The following GABRR2 variants were observed in gnomAD, a reference collection of about 807,000 sequenced individuals.
GABRR2 encodes gamma-aminobutyric acid receptor subunit rho-2.
A neutral mutation model predicts 47.0 loss-of-function variants in GABRR2; 36 were observed. The observed-to-expected ratio is 0.77, with a 90% CI of 0.59 to 1.01. The LOEUF is 1.01. Ranked by LOEUF, GABRR2 falls within the 50% of genes least tolerant of loss-of-function variation. The pLI is 0.00. For synonymous variants in GABRR2, 204 were observed against 227.5 expected (o/e 0.90, Z 0.93); for missense variants, 587 against 594.6 (o/e 0.99, Z 0.13).
rs1269818522 is a variant in GABRR2 at position 89,265,529 on chromosome 6, T to C, written c.889+84A>G. The C allele has an allele frequency of 4.8e-6, 7 of 1,450,566 alleles. No homozygotes were observed. The East Asian group carries it at 1.6e-4, about 34-fold the overall frequency. 89.9% of individuals were successfully genotyped at this position (1,450,566 alleles called of 1,614,324 possible). On this transcript the variant is annotated intron_variant, in intron 7 of 8. Transcript: ENST00000402938. ...CTAACAGCTCATCAGTTAAGAAGTC[T>C]AAGTAATGATTTTTACTTTTTGTAA...
In GABRR2 at chr6:89,267,927, C is replaced by T. The variant is rs114083364; in HGVS notation, c.595+87G>A. On this transcript the variant is annotated intron_variant, in intron 5 of 8. Coordinates refer to ENST00000402938, the MANE Select transcript of GABRR2 (RefSeq NM_002043.5). ...AGAAGTAAATAGGTCTTAACGCTGG[C>T]GGGCAGTGCTCAGTCTCATGATTAC... is the stretch of plus-strand genomic sequence containing the variant. The T allele has an allele frequency of 2.4e-3, 3,684 of 1,564,354 alleles. 69 individuals carry two copies. In the African/African-American group the frequency reaches 0.041, roughly 17 times the overall value.
chr6:89,280,253 T>TATACAC lies in GABRR2; in HGVS notation c.221-8532_221-8531insGTGTAT, dbSNP rs1242640059. 5.2e-3 allele frequency among the ~76,000 whole-genome samples: 644 copies of TATACAC among 124,516 alleles called. 4 individuals are homozygous for TATACAC. The highest frequency in any genetic ancestry group is 7.9e-3 in the Non-Finnish European group (466 of 59,094). 81.7% of individuals were successfully genotyped at this position (124,516 alleles called of 152,430 possible). A position where few individuals can be genotyped will look rare whatever the true frequency, so the allele number is the denominator to read the frequency against. ...ATATATATATATATATATATATATA[T>TATACAC]ACATACATATACATATACACATACA... On this transcript the variant is annotated intron_variant, in intron 2 of 8. Coordinates refer to ENST00000402938, the MANE Select transcript of GABRR2 (RefSeq NM_002043.5).
chr6:89,293,138 A>G (rs1414603766), intron 2 of GABRR2, among the ~76,000 whole-genome samples: 5 of 152,182 alleles, frequency 3.3e-5, no homozygotes, highest in Admixed American at 2.6e-4. Flanking sequence ...AGGAAATTCT[A>G]TCACATACTA....
At chr6:89,262,494 G>A (rs1773772035) in intron 8 of GABRR2, among the ~76,000 whole-genome samples, 1 of 152,128 alleles carries the variant, frequency 6.6e-6, no homozygotes, top group Admixed American at 6.5e-5. Flanking sequence ...CCTGCAGGAT[G>A]GCCACCTTGC....
intron 2 of GABRR2, among the ~76,000 whole-genome samples, chr6:89,289,933 CA>C (rs1582455189): frequency 6.6e-6 from 1 of 152,066 alleles, no homozygotes; most frequent in Non-Finnish European, 1.5e-5. Flanking sequence ...GTGCAGGGAC[CA>C]AGGCACAACC....
chr6:89,288,616 G>A (rs1774377840), intron 2 of GABRR2, among the ~76,000 whole-genome samples: 1 of 152,116 alleles, frequency 6.6e-6, no homozygotes, highest in African/African-American at 2.4e-5. Flanking sequence ...TATTATGCAG[G>A]AGTAGATAAC....
In GABRR2 at chr6:89,272,862, C is replaced by G. The variant is rs983572991; in HGVS notation, c.221-1140G>C. Among the ~76,000 whole-genome samples the G allele has an allele frequency of 2.0e-5, 3 of 152,264 alleles. No individual in the cohort carries two copies. In the South Asian group the frequency reaches 6.2e-4, roughly 32 times the overall value. On this transcript the variant is annotated intron_variant, in intron 2 of 8. Coordinates refer to ENST00000402938, the MANE Select transcript of GABRR2 (RefSeq NM_002043.5). ...GGACCAGAGATTCCCACACTGCGTACGTAGGAACTAGAAAGCCCAGTCCTC... is the reference window on the plus strand; with the variant it reads ...GGACCAGAGATTCCCACACTGCGTAGGTAGGAACTAGAAAGCCCAGTCCTC...
Position 89,267,671 on chromosome 6 carries a change from A to G in GABRR2, c.736+8T>C, listed in dbSNP as rs371266096. 9.6e-5 allele frequency: 154 copies of G among 1,608,058 alleles called. No homozygotes were observed. Among genetic ancestry groups the G allele is most frequent in the Non-Finnish European group, 1.2e-4 (142 of 1,177,898 alleles). On this transcript the variant is annotated splice_region_variant and intron_variant, in intron 6 of 8. Transcript: ENST00000402938. ...CATTTGAATCAGATTGTGGCAAAAGATAGCTACCAGTGCTGCTGTAGAAGG... is the reference window on the plus strand; with the variant it reads ...CATTTGAATCAGATTGTGGCAAAAGGTAGCTACCAGTGCTGCTGTAGAAGG...
intron 2 of GABRR2, among the ~76,000 whole-genome samples, chr6:89,285,947 C>G (rs1018852074): frequency 6.6e-6 from 1 of 151,926 alleles, no homozygotes; most frequent in African/African-American, 2.4e-5. Context: ...AGCTCTCGCC[C>G]GACTCCTCCT....
chr6:89,282,381 C>G (rs1242982632), intron 2 of GABRR2, among the ~76,000 whole-genome samples: 1 of 152,200 alleles, frequency 6.6e-6, no homozygotes, highest in East Asian at 1.9e-4. Flanking sequence ...GGTATCCAGG[C>G]ATTCCATCTC....
At chr6:89,295,233 T>C (rs1212941805) in intron 2 of GABRR2, among the ~76,000 whole-genome samples, 1 of 152,234 alleles carries the variant, frequency 6.6e-6, no homozygotes, top group East Asian at 1.9e-4. Flanking sequence ...TCCACAATGG[T>C]TGAACTAGTC....
rs1773989034 is a variant in GABRR2 at position 89,269,291 on chromosome 6, A to G, written c.289-57T>C. 1.5e-6 allele frequency: 2 copies of G among 1,318,226 alleles called. 1 individual carries two copies. 81.7% of individuals were successfully genotyped at this position (1,318,226 alleles called of 1,614,324 possible). ...TGGCTTAGAAGGTTTTCTTCCTTAC[A>G]ATCAACCCACCATTCACTACTGTGG... is the stretch of plus-strand genomic sequence containing the variant. On this transcript the variant is annotated intron_variant, in intron 3 of 8. Transcript: ENST00000402938.
chr6:89,310,746 TG>T (rs895464410), intron 1 of GABRR2, among the ~76,000 whole-genome samples: 6 of 62,426 alleles, frequency 9.6e-5, no homozygotes, highest in African/African-American at 3.5e-4. Context: ...CGGGAGGGGG[TG>T]GGGGGTGTGG....
At chr6:89,303,831 C>T (rs1767505321) in intron 1 of GABRR2, among the ~76,000 whole-genome samples, 1 of 152,104 alleles carries the variant, frequency 6.6e-6, no homozygotes, top group African/African-American at 2.4e-5. Flanking sequence ...TGATCTTATG[C>T]AAAGCCAACA....
intron 1 of GABRR2, chr6:89,301,740 A>C: frequency 1.5e-6 from 1 of 669,584 alleles, no homozygotes; most frequent in Non-Finnish European, 2.7e-6. Context: ...CAGCCAGCCC[A>C]GCCCGCCTGC....
At chr6:89,313,151 T>A (rs1767706574) in intron 1 of GABRR2, among the ~76,000 whole-genome samples, 1 of 152,200 alleles carries the variant, frequency 6.6e-6, no homozygotes, top group Non-Finnish European at 1.5e-5. Flanking sequence ...TAGCAGGCCG[T>A]GTGACTTACT....
chr6:89,276,881 A>G (rs1686757018), intron 2 of GABRR2, among the ~76,000 whole-genome samples: 1 of 152,188 alleles, frequency 6.6e-6, no homozygotes, highest in Non-Finnish European at 1.5e-5. Context: ...TGAAATCATC[A>G]AAAGTACCTA....
rs1239007964 is a variant in GABRR2, at chr6:89,307,816, T to C, written c.113+7237A>G. The stretch of plus-strand genomic sequence containing the variant: ...CTGTTCTTGTCAAACTTCATTCACT[T>C]TTTTTTTTTTTTTTTTTTTGAGATG... On this transcript the variant is annotated intron_variant, in intron 1 of 8. Transcript: ENST00000402938. Among the ~76,000 whole-genome samples the C allele has an allele frequency of 2.2e-5, 3 of 136,132 alleles. No individual in the cohort carries two copies. The East Asian group carries it at 5.9e-4, about 27-fold the overall frequency. 89.3% of individuals were successfully genotyped at this position (136,132 alleles called of 152,430 possible).
At chr6:89,310,755 T>C (rs1022687064) in intron 1 of GABRR2, among the ~76,000 whole-genome samples, 1 of 145,048 alleles carries the variant, frequency 6.9e-6, no homozygotes, top group Admixed American at 6.9e-5. Flanking sequence ...GTGGGGGGTG[T>C]GGTGGGAATG....
Sources: gnomAD v4.1 joint callset for allele counts (sites outside exome capture counted in the v4.1 genomes callset) on GRCh38, gnomAD v4.1.1 for gene constraint, MANE v1.5 for transcripts, NCBI Gene and HGNC (gene_info 2026-07-23, HGNC 2026-07-21) for gene names.